CCSER1: variants seen among roughly 807,000 people sequenced by gnomAD.
CCSER1 encodes serine-rich coiled-coil domain-containing protein 1.
CCSER1 carries 41 observed loss-of-function variants against 82.0 expected under a neutral mutation model. The observed-to-expected ratio is 0.50, with a 90% CI of 0.39 to 0.65. CCSER1 has a LOEUF of 0.65. Ranked by LOEUF, CCSER1 falls within the 30% of genes least tolerant of loss-of-function variation. The pLI is 0.00. For synonymous variants in CCSER1, 414 were observed against 383.9 expected (o/e 1.08, Z -0.92); for missense variants, 1,119 against 1,064.2 (o/e 1.05, Z -0.72).
At chr4:90,793,598 C>T (rs569589999) in intron 7 of CCSER1, among the ~76,000 whole-genome samples, 13 of 152,236 alleles carry the variant, frequency 8.5e-5, no homozygotes, top group South Asian at 2.1e-4. Flanking sequence ...GTTGATTCCA[C>T]GTCTTTGCCA....
At chr4:91,578,771 G>T (rs529792967) in intron 10 of CCSER1, among the ~76,000 whole-genome samples, 8 of 151,726 alleles carry the variant, frequency 5.3e-5, no homozygotes, top group Admixed American at 1.3e-4. Context: ...TTTTCCCATT[G>T]TATTAACAAT....
intron 8 of CCSER1, among the ~76,000 whole-genome samples, chr4:90,842,609 G>A (rs948548932): frequency 6.6e-6 from 1 of 152,182 alleles, no homozygotes; most frequent in Non-Finnish European, 1.5e-5. Flanking sequence ...GACCTGACAT[G>A]TCTGATCATT....
At chr4:90,859,105 AC>A (rs761599883) in intron 8 of CCSER1, among the ~76,000 whole-genome samples, 71 of 151,898 alleles carry the variant, frequency 4.7e-4, no homozygotes, top group Non-Finnish European at 8.5e-4. Context: ...GTGACCAGTG[AC>A]CAGGACAAAT....
At chr4:90,961,977 A>G (rs947476399) in intron 9 of CCSER1, among the ~76,000 whole-genome samples, 7 of 152,130 alleles carry the variant, frequency 4.6e-5, no homozygotes, top group Admixed American at 3.9e-4. Context: ...CAGGAAAACA[A>G]AAACAAAAAC....
intron 8 of CCSER1, among the ~76,000 whole-genome samples, chr4:90,894,547 T>C (rs1460802791): frequency 6.6e-6 from 1 of 151,978 alleles, no homozygotes; most frequent in Non-Finnish European, 1.5e-5. Flanking sequence ...GACTATATAG[T>C]CTATTAGCTG....
chr4:91,445,570 A>T (rs559290323), intron 10 of CCSER1, among the ~76,000 whole-genome samples: 1 of 152,094 alleles, frequency 6.6e-6, no homozygotes, highest in South Asian at 2.1e-4. Context: ...CCAAATACTG[A>T]TGTATTCGTT....
intron 10 of CCSER1, among the ~76,000 whole-genome samples, chr4:91,225,590 A>C (rs984272286): frequency 1.2e-4 from 18 of 151,496 alleles, no homozygotes; most frequent in African/African-American, 3.4e-4. Context: ...ATGTAGATTA[A>C]AACCTTTTAA....
chr4:90,931,119 T>C lies in CCSER1; in HGVS notation c.2172+7672T>C, dbSNP rs1729750992. ...ATCTCCTTGAAATATGTCATTGAAA[T>C]ATATATCTGTACATACACACCAAAA... is the stretch of plus-strand genomic sequence containing the variant. On this transcript the variant is annotated intron_variant, in intron 9 of 10. Transcript: ENST00000509176. Among the ~76,000 whole-genome samples the C allele has an allele frequency of 1.3e-5, 2 of 150,548 alleles. 1 individual carries two copies. The highest frequency in any genetic ancestry group is 4.2e-4 in the South Asian group (2 of 4,796).
chr4:91,434,542 A>C (rs909960089), intron 10 of CCSER1, among the ~76,000 whole-genome samples: 1 of 152,194 alleles, frequency 6.6e-6, no homozygotes, highest in Non-Finnish European at 1.5e-5. Flanking sequence ...TTACCAATTC[A>C]ATATCTTAAT....
rs183833851 is a variant in CCSER1, at chr4:90,713,821, T to C, written c.1933-10093T>C. ...CAGTCTCTACATAATCCCATATTTC[T>C]TGGAGGTTTTGTTCATTTATTTTCA... is the stretch of plus-strand genomic sequence containing the variant. On this transcript the variant is annotated intron_variant, in intron 6 of 10. Transcript: ENST00000509176. Among the ~76,000 whole-genome samples, 5 of 152,160 alleles carry C rather than the reference T, an allele frequency of 3.3e-5. No homozygotes were observed. In the East Asian group the frequency reaches 9.6e-4, roughly 29 times the overall value.
At chr4:90,262,943 G>C (rs1428415335) in intron 1 of CCSER1, among the ~76,000 whole-genome samples, 2 of 152,104 alleles carry the variant, frequency 1.3e-5, no homozygotes, top group Admixed American at 1.3e-4. Context: ...TTCCAGGAAG[G>C]CTGTCTATAG....
intron 10 of CCSER1, among the ~76,000 whole-genome samples, chr4:91,233,399 C>T (rs947645142): frequency 6.6e-6 from 1 of 151,878 alleles, no homozygotes; most frequent in African/African-American, 2.4e-5. Context: ...AGGACATCTC[C>T]TTGGAATTCA....
intron 1 of CCSER1, among the ~76,000 whole-genome samples, chr4:90,209,654 G>T (rs1359190509): frequency 6.6e-6 from 1 of 152,008 alleles, no homozygotes; most frequent in Non-Finnish European, 1.5e-5. Flanking sequence ...TCTGTGTGTG[G>T]CATTGCATTT....
At chr4:90,238,616 T>G (rs1309785324) in intron 1 of CCSER1, among the ~76,000 whole-genome samples, 1 of 152,154 alleles carries the variant, frequency 6.6e-6, no homozygotes, top group Non-Finnish European at 1.5e-5. Context: ...TGTGACTTTT[T>G]TCTGCCGTGG....
intron 10 of CCSER1, among the ~76,000 whole-genome samples, chr4:91,219,333 A>G (rs868691938): frequency 6.9e-5 from 2 of 29,050 alleles, no homozygotes; most frequent in Admixed American, 3.7e-4. Context: ...TTTTTTTTTT[A>G]AAACAGTCTC....
intron 10 of CCSER1, among the ~76,000 whole-genome samples, chr4:91,303,158 CCCAGTCA>C (rs1304457659): frequency 6.6e-6 from 1 of 151,954 alleles, no homozygotes; most frequent in Non-Finnish European, 1.5e-5. Context: ...AAGAATGATG[CCCAGTCA>C]CCTGATGCAT....
At chr4:90,674,403 C>A (rs1220483506) in intron 6 of CCSER1, among the ~76,000 whole-genome samples, 1 of 151,610 alleles carries the variant, frequency 6.6e-6, no homozygotes, top group Non-Finnish European at 1.5e-5. Flanking sequence ...GATGAAGGGA[C>A]AGTTGTCAAG....
chr4:90,805,387 G>A (rs184619409), intron 7 of CCSER1, among the ~76,000 whole-genome samples: 4 of 152,274 alleles, frequency 2.6e-5, no homozygotes, highest in African/African-American at 9.6e-5. Flanking sequence ...GCTGTCAGTG[G>A]AAGCGCCATG....
intron 1 of CCSER1, among the ~76,000 whole-genome samples, chr4:90,170,304 T>C (rs2153376272): frequency 6.6e-6 from 1 of 152,096 alleles, no homozygotes; most frequent in East Asian, 1.9e-4. Flanking sequence ...ACACCTTCTT[T>C]TATATCACAG....
Sources: gnomAD v4.1 joint callset for allele counts (sites outside exome capture counted in the v4.1 genomes callset) on GRCh38, gnomAD v4.1.1 for gene constraint, MANE v1.5 for transcripts, NCBI Gene and HGNC (gene_info 2026-07-23, HGNC 2026-07-21) for gene names.